The following CAMTA1 variants were observed in gnomAD, a reference collection of about 807,000 sequenced individuals.
CAMTA1 encodes the protein calmodulin binding transcription activator 1.
A neutral mutation model predicts 170.9 loss-of-function variants in CAMTA1; 27 were observed. The ratio of observed to expected loss-of-function variants is 0.16; its 90% CI spans 0.12 to 0.22. CAMTA1 has a LOEUF of 0.22. CAMTA1 is among the 10% of genes least tolerant of loss of function. CAMTA1 has a pLI of 1.00. For missense variants in CAMTA1, 1,619 were observed against 2,217.2 expected (o/e 0.73, Z 5.42); for synonymous variants, 833 against 891.5 (o/e 0.93, Z 1.17).
chr1:7,538,373 T>A (rs866625829), intron 6 of CAMTA1, among the ~76,000 whole-genome samples: 1 of 151,136 alleles, frequency 6.6e-6, no homozygotes, highest in Non-Finnish European at 1.5e-5. Flanking sequence ...AAAAAAAAAA[T>A]ACCCAGGCTG....
At chr1:7,758,965 C>T (rs2096954644) in intron 22 of CAMTA1, among the ~76,000 whole-genome samples, 1 of 146,894 alleles carries the variant, frequency 6.8e-6, no homozygotes, top group Admixed American at 6.8e-5. Flanking sequence ...AGATAATATA[C>T]TTATTTTGTT....
At chr1:6,980,101 G>A (rs546020867) in intron 3 of CAMTA1, among the ~76,000 whole-genome samples, 4 of 152,280 alleles carry the variant, frequency 2.6e-5, no homozygotes, top group East Asian at 1.9e-4. Flanking sequence ...CTTGGAGGGC[G>A]TGCCTCTTAC....
chr1:7,498,284 G>A (rs2478273), intron 6 of CAMTA1, among the ~76,000 whole-genome samples: 60,047 of 151,146 alleles, frequency 0.4, 12,365 homozygotes, highest in Middle Eastern at 0.53. Context: ...GAGTGTGAGC[G>A]TGTATGAGCG....
chr1:7,154,986 T>C (rs1646779977), intron 4 of CAMTA1, among the ~76,000 whole-genome samples: 1 of 152,160 alleles, frequency 6.6e-6, no homozygotes, highest in Non-Finnish European at 1.5e-5. Flanking sequence ...ATCTCTCCTG[T>C]CCTGTGGGCA....
chr1:7,016,353 C>T (rs1298153076), intron 3 of CAMTA1, among the ~76,000 whole-genome samples: 2 of 152,168 alleles, frequency 1.3e-5, no homozygotes, highest in African/African-American at 4.8e-5. Flanking sequence ...TGCAGGGAGG[C>T]AAGGGCAGCA....
chr1:7,159,062 A>AT (rs546560491), intron 4 of CAMTA1, among the ~76,000 whole-genome samples: 1,557 of 148,632 alleles, frequency 0.01, 23 homozygotes, highest in African/African-American at 0.036. Context: ...GTTACGTACT[A>AT]TTTTTTTTTT....
chr1:7,644,748 G>T (rs141792685), intron 7 of CAMTA1, among the ~76,000 whole-genome samples: 1 of 152,162 alleles, frequency 6.6e-6, no homozygotes, highest in Non-Finnish European at 1.5e-5. Context: ...TTGTCATATG[G>T]TTACTCCTAG....
intron 3 of CAMTA1, among the ~76,000 whole-genome samples, chr1:7,076,229 A>G (rs114171077): frequency 0.013 from 2,022 of 151,640 alleles, 19 homozygotes; most frequent in South Asian, 0.021. Flanking sequence ...TTTTATTGGA[A>G]CCTCTTTCTT....
chr1:7,226,470 TAAAG>T (rs945821235), intron 4 of CAMTA1, among the ~76,000 whole-genome samples: 2 of 152,144 alleles, frequency 1.3e-5, no homozygotes, highest in African/African-American at 4.8e-5. Flanking sequence ...TTCTCTCTGA[TAAAG>T]ATAGAACAGG....
intron 5 of CAMTA1, among the ~76,000 whole-genome samples, chr1:7,385,432 C>T (rs892537664): frequency 2.0e-5 from 3 of 152,162 alleles, no homozygotes; most frequent in African/African-American, 7.2e-5. Context: ...CTGTTGATTT[C>T]GGCCTTGCTG....
At chr1:7,253,174 T>A (rs892087955) in intron 5 of CAMTA1, among the ~76,000 whole-genome samples, 4 of 152,112 alleles carry the variant, frequency 2.6e-5, no homozygotes, top group African/African-American at 9.7e-5. Flanking sequence ...CCCATACAGA[T>A]TTATGCCAGC....
intron 3 of CAMTA1, among the ~76,000 whole-genome samples, chr1:7,016,353 C>G (rs1298153076): frequency 6.6e-6 from 1 of 152,168 alleles, no homozygotes; most frequent in Admixed American, 6.5e-5. Context: ...TGCAGGGAGG[C>G]AAGGGCAGCA....
At chr1:7,228,908 TG>T (rs1662188826) in intron 4 of CAMTA1, among the ~76,000 whole-genome samples, 1 of 151,612 alleles carries the variant, frequency 6.6e-6, no homozygotes, top group Non-Finnish European at 1.5e-5. Context: ...TGGAGGGGGA[TG>T]GGTTTGGGTC....
At chr1:6,998,257 T>A (rs993138205) in intron 3 of CAMTA1, among the ~76,000 whole-genome samples, 15 of 151,904 alleles carry the variant, frequency 9.9e-5, no homozygotes, top group Non-Finnish European at 1.8e-4. Context: ...TTTTTTTGTA[T>A]TTTTAGTAGA....
chr1:7,408,194 G>A (rs1263146036), intron 5 of CAMTA1, among the ~76,000 whole-genome samples: 1 of 32,014 alleles, frequency 3.1e-5, no homozygotes, highest in Non-Finnish European at 5.6e-5. Flanking sequence ...GGGGGAAATC[G>A]GAGACCAGGG....
intron 3 of CAMTA1, among the ~76,000 whole-genome samples, chr1:7,074,598 C>T (rs1314185508): frequency 1.3e-5 from 2 of 152,176 alleles, no homozygotes; most frequent in African/African-American, 4.8e-5. Flanking sequence ...TTAGTGTAAG[C>T]ATTAAGTTCT....
intron 3 of CAMTA1, among the ~76,000 whole-genome samples, chr1:6,826,006 G>T (rs1448173291): frequency 6.6e-6 from 1 of 152,158 alleles, no homozygotes; most frequent in Non-Finnish European, 1.5e-5. Flanking sequence ...AGTTCCATTT[G>T]TGTGCCTTGG....
intron 3 of CAMTA1, among the ~76,000 whole-genome samples, chr1:6,883,945 A>G (rs1046938353): frequency 6.6e-6 from 1 of 152,176 alleles, no homozygotes; most frequent in African/African-American, 2.4e-5. Flanking sequence ...GAAGTTACTT[A>G]TTTTGGTATG....
At chr1:7,584,018 C>A (rs535925907) in intron 6 of CAMTA1, among the ~76,000 whole-genome samples, 1 of 152,266 alleles carries the variant, frequency 6.6e-6, no homozygotes, top group African/African-American at 2.4e-5. Flanking sequence ...GCATTCTGCT[C>A]AGAGAGGGGG....
Sources: allele counts gnomAD v4.1 joint callset (sites outside exome capture counted in the v4.1 genomes callset), GRCh38; gene constraint gnomAD v4.1.1; transcripts MANE v1.5; gene names NCBI Gene and HGNC (gene_info 2026-07-23, HGNC 2026-07-21).